The following CCDC91 variants were observed in gnomAD, a reference collection of about 807,000 sequenced individuals.
CCDC91 encodes coiled-coil domain-containing protein 91.
Under a neutral mutation model 63.2 loss-of-function variants are expected in CCDC91, and 48 were observed. That is an observed-to-expected ratio of 0.76 (90% CI 0.60 to 0.97). The LOEUF (loss-of-function observed/expected upper bound fraction) is 0.97. CCDC91 is among the 50% of genes least tolerant of loss of function. The pLI is 0.00. For missense variants in CCDC91, 500 were observed against 494.6 expected (o/e 1.01, Z -0.10); for synonymous variants, 167 against 165.8 (o/e 1.01, Z -0.06).
At chr12:28,376,933 G>A (rs1201466426) in intron 7 of CCDC91, among the ~76,000 whole-genome samples, 2 of 151,748 alleles carry the variant, frequency 1.3e-5, no homozygotes, top group African/African-American at 4.8e-5. Context: ...GTACAATAGT[G>A]AGTGGAAAGC....
intron 1 of CCDC91, among the ~76,000 whole-genome samples, chr12:28,203,013 G>C (rs1237610296): frequency 1.3e-5 from 2 of 152,210 alleles, no homozygotes; most frequent in Non-Finnish European, 2.9e-5. Context: ...CCAGGGAACT[G>C]CCAGACAGGT....
At chr12:28,428,135 A>G (rs1320639573) in intron 8 of CCDC91, among the ~76,000 whole-genome samples, 2 of 152,146 alleles carry the variant, frequency 1.3e-5, no homozygotes, top group Non-Finnish European at 2.9e-5. Flanking sequence ...TTCACTACAC[A>G]TAGTACTCAG....
chr12:28,418,712 T>C (rs570037852), intron 8 of CCDC91, among the ~76,000 whole-genome samples: 3 of 152,246 alleles, frequency 2.0e-5, no homozygotes, highest in African/African-American at 7.2e-5. Flanking sequence ...ATTCTTAGAA[T>C]GAAAGAAAGG....
intron 11 of CCDC91, among the ~76,000 whole-genome samples, chr12:28,471,053 T>G (rs1354836658): frequency 2.6e-5 from 4 of 152,132 alleles, no homozygotes; most frequent in Non-Finnish European, 5.9e-5. Flanking sequence ...GTGCAGGAAA[T>G]CCTAATACTA....
chr12:28,502,928 T>C (rs1021874059), intron 12 of CCDC91, among the ~76,000 whole-genome samples: 13 of 149,220 alleles, frequency 8.7e-5, no homozygotes, highest in African/African-American at 3.0e-4. Flanking sequence ...ATACAAAAAT[T>C]AATTCAAGAT....
intron 8 of CCDC91, among the ~76,000 whole-genome samples, chr12:28,413,180 C>T (rs999682132): frequency 2.0e-5 from 3 of 152,094 alleles, no homozygotes; most frequent in African/African-American, 7.2e-5. Flanking sequence ...ACTACTCATT[C>T]CCTGGGCATC....
chr12:28,248,980 G>A (rs1453704026), intron 1 of CCDC91, among the ~76,000 whole-genome samples: 1 of 152,186 alleles, frequency 6.6e-6, no homozygotes, highest in Non-Finnish European at 1.5e-5. Context: ...AGAATGAGTT[G>A]TAATAGCTGA....
At chr12:28,548,934 A>G (rs1943163937) in intron 12 of CCDC91, 129 bp from the exon 13 acceptor site, 4 of 610,504 alleles carry the variant, frequency 6.6e-6, no homozygotes, top group African/African-American at 1.8e-5. Context: ...AGTTGAAAGT[A>G]CTATTTGATT....
chr12:28,490,323 C>T (rs747348642), intron 12 of CCDC91, among the ~76,000 whole-genome samples: 40 of 151,950 alleles, frequency 2.6e-4, no homozygotes, highest in Non-Finnish European at 2.7e-4. Context: ...GTAACCAACA[C>T]ATATTAAAAA....
chr12:28,238,661 G>A (rs1486096344), intron 1 of CCDC91, among the ~76,000 whole-genome samples: 2 of 152,134 alleles, frequency 1.3e-5, no homozygotes, highest in East Asian at 1.9e-4. Flanking sequence ...TGCAATTTAT[G>A]TCTATCAGTA....
intron 8 of CCDC91, among the ~76,000 whole-genome samples, chr12:28,408,633 GTTTATTTT>G (rs970751467): frequency 1.3e-4 from 19 of 151,940 alleles, no homozygotes; most frequent in South Asian, 4.2e-4. Context: ...CTTTTTGATG[GTTTATTTT>G]TTTATTTTTT....
intron 6 of CCDC91, among the ~76,000 whole-genome samples, chr12:28,333,760 G>A (rs1370141289): frequency 6.6e-6 from 1 of 152,024 alleles, no homozygotes; most frequent in East Asian, 1.9e-4. Context: ...TTTCAGTGGC[G>A]TTTCCATACG....
At chr12:28,383,945 T>G (rs1031924674) in intron 7 of CCDC91, among the ~76,000 whole-genome samples, 52 of 152,278 alleles carry the variant, frequency 3.4e-4, no homozygotes, top group African/African-American at 1.2e-3. Flanking sequence ...TATCAGTTTA[T>G]TCTTCTGAAT....
intron 7 of CCDC91, among the ~76,000 whole-genome samples, 189 bp downstream of exon 7, chr12:28,362,704 T>C (rs1592430214): frequency 6.6e-6 from 1 of 152,208 alleles, no homozygotes; most frequent in East Asian, 1.9e-4. Flanking sequence ...TATTAGACAC[T>C]GTTCTGAATT....
At chr12:28,484,204 A>G in intron 12 of CCDC91, 39 bp downstream of exon 12, 1 of 1,141,694 alleles carries the variant, frequency 8.8e-7, no homozygotes, top group East Asian at 2.5e-5. Flanking sequence ...GTGCTTCAAT[A>G]AACTGAATCA....
intron 7 of CCDC91, among the ~76,000 whole-genome samples, chr12:28,364,808 A>G (rs1944167526): frequency 6.6e-6 from 1 of 152,196 alleles, no homozygotes; most frequent in African/African-American, 2.4e-5. Flanking sequence ...ATGTACCACA[A>G]ACCATCAACA....
intron 1 of CCDC91, among the ~76,000 whole-genome samples, chr12:28,214,164 A>G (rs1354952780): frequency 6.6e-6 from 1 of 152,114 alleles, no homozygotes; most frequent in African/African-American, 2.4e-5. Flanking sequence ...ATTCAGTTGA[A>G]ATGGAAGATT....
rs1592830941 is a variant in CCDC91, at chr12:28,490,664, G to A, written c.1215+6499G>A. Among the ~76,000 whole-genome samples the A allele has an allele frequency of 4.0e-5, 6 of 151,740 alleles. No homozygotes were observed. In the South Asian group the frequency reaches 1.2e-3, roughly 32 times the overall value. The stretch of plus-strand genomic sequence containing the variant: ...GGCAATGAAGTAAACAGATTTTAAA[G>A]GTTTTATAGTTGTTTAAGGTTAATA... On this transcript the variant is annotated intron_variant, in intron 12 of 12. Transcript: ENST00000536442.
At chr12:28,315,362 C>T (rs1939750543) in intron 6 of CCDC91, among the ~76,000 whole-genome samples, 1 of 151,860 alleles carries the variant, frequency 6.6e-6, no homozygotes, top group African/African-American at 2.4e-5. Context: ...GATGCGGTCT[C>T]ACCATGTTCA....
Sources: allele counts gnomAD v4.1 joint callset (sites outside exome capture counted in the v4.1 genomes callset), GRCh38; gene constraint gnomAD v4.1.1; transcripts MANE v1.5; gene names NCBI Gene and HGNC (gene_info 2026-07-23, HGNC 2026-07-21).